RGS5: variants seen among roughly 807,000 people sequenced by gnomAD.
RGS5 encodes regulator of G-protein signalling 5.
A neutral mutation model predicts 18.9 loss-of-function variants in RGS5; 20 were observed. The ratio of observed to expected loss-of-function variants is 1.06; its 90% CI spans 0.74 to 1.54. The LOEUF is 1.54. RGS5 is among the 40% of genes most tolerant of loss of function. RGS5 has a pLI of 0.00. For synonymous variants in RGS5, 57 were observed against 76.2 expected (o/e 0.75, Z 1.31); for missense variants, 201 against 211.8 (o/e 0.95, Z 0.32).
intron 2 of RGS5, among the ~76,000 whole-genome samples, chr1:163,289,467 G>C (rs115361233): frequency 7.2e-4 from 109 of 152,154 alleles, no homozygotes; most frequent in Non-Finnish European, 1.3e-3. Flanking sequence ...TAATGAGACA[G>C]TAAGATCAAA....
At chr1:163,159,355 CA>C (rs1657712232) in intron 3 of RGS5, among the ~76,000 whole-genome samples, 2 of 152,234 alleles carry the variant, frequency 1.3e-5, no homozygotes, top group South Asian at 4.2e-4. Context: ...AATTTATGTT[CA>C]AAGATTGCAG....
At chr1:163,293,216 G>C (rs1366285694) in intron 2 of RGS5, among the ~76,000 whole-genome samples, 1 of 152,036 alleles carries the variant, frequency 6.6e-6, no homozygotes, top group Non-Finnish European at 1.5e-5. Flanking sequence ...AGGTGTATTT[G>C]TTCATTTTCA....
At chr1:163,304,985 A>T (rs975575124) in intron 2 of RGS5, 7 of 152,260 alleles carry the variant, frequency 4.6e-5, no homozygotes, top group Non-Finnish European at 4.4e-5. Flanking sequence ...ATGCTATCTT[A>T]AACTTTTCTC....
chr1:163,251,650 T>C (rs1443980751), intron 2 of RGS5, among the ~76,000 whole-genome samples: 1 of 152,158 alleles, frequency 6.6e-6, no homozygotes, highest in Non-Finnish European at 1.5e-5. Flanking sequence ...CCAACCTACA[T>C]ATTGTGCTAC....
chr1:163,150,225 T>C (rs908213795), intron 4 of RGS5, among the ~76,000 whole-genome samples: 3 of 152,278 alleles, frequency 2.0e-5, no homozygotes, highest in South Asian at 2.1e-4. Context: ...GTCTTTCAAC[T>C]AGTGACCACA....
chr1:163,320,236 G>A (rs1214351770), intron 1 of RGS5, among the ~76,000 whole-genome samples: 1 of 152,004 alleles, frequency 6.6e-6, no homozygotes, highest in African/African-American at 2.4e-5. Flanking sequence ...CCACTTGCAA[G>A]GTATTTTCCT....
chr1:163,148,190 G>A (rs1374268554), intron 4 of RGS5, among the ~76,000 whole-genome samples: 1 of 152,074 alleles, frequency 6.6e-6, no homozygotes, highest in Admixed American at 6.5e-5. Flanking sequence ...GCCTCCCAAA[G>A]TGCTGGGATT....
intron 4 of RGS5, among the ~76,000 whole-genome samples, chr1:163,150,564 G>A (rs1310760249): frequency 6.6e-6 from 1 of 152,152 alleles, no homozygotes; most frequent in Non-Finnish European, 1.5e-5. Flanking sequence ...CAGCACAAAT[G>A]GTAACAGAAG....
chr1:163,159,103 C>T (rs1053672486), intron 3 of RGS5, among the ~76,000 whole-genome samples: 3 of 152,194 alleles, frequency 2.0e-5, no homozygotes, highest in Non-Finnish European at 1.5e-5. Context: ...AAGGTTGTCT[C>T]CCTTGTTCCC....
At chr1:163,239,396 G>C (rs923113617) in intron 2 of RGS5, among the ~76,000 whole-genome samples, 4 of 151,008 alleles carry the variant, frequency 2.6e-5, no homozygotes, top group Non-Finnish European at 5.9e-5. Flanking sequence ...TGAGGCAGGA[G>C]AATTTCTAGA....
chr1:163,229,363 A>T (rs1297473220), intron 2 of RGS5, among the ~76,000 whole-genome samples: 2 of 152,296 alleles, frequency 1.3e-5, no homozygotes, highest in East Asian at 3.9e-4. Context: ...TCATGAGAAC[A>T]GCATGGGGGA....
At chr1:163,195,419 CAG>C (rs1659524408) in intron 1 of RGS5, among the ~76,000 whole-genome samples, 2 of 150,752 alleles carry the variant, frequency 1.3e-5, no homozygotes, top group Admixed American at 6.6e-5. Context: ...TGTGGGGAAT[CAG>C]GGGGCAAGGG....
At chr1:163,200,828 G>C (rs1338571489) in intron 1 of RGS5, among the ~76,000 whole-genome samples, 1 of 152,056 alleles carries the variant, frequency 6.6e-6, no homozygotes, top group African/African-American at 2.4e-5. Context: ...ATGAACATTA[G>C]TTATATCCTG....
chr1:163,168,417 G>T, intron 1 of RGS5, 49 bp from the exon 2 acceptor site: 1 of 1,301,844 alleles, frequency 7.7e-7, no homozygotes, highest in Non-Finnish European at 1.1e-6. Context: ...TGTGCATACA[G>T]ATTTTAAGAA....
At chr1:163,178,680 A>G (rs1246447966) in intron 1 of RGS5, among the ~76,000 whole-genome samples, 1 of 152,202 alleles carries the variant, frequency 6.6e-6, no homozygotes, top group Non-Finnish European at 1.5e-5. Flanking sequence ...CCAGCCATCT[A>G]TAAGCATGAA....
At chr1:163,276,466 C>T (rs1428619736) in intron 2 of RGS5, among the ~76,000 whole-genome samples, 1 of 152,156 alleles carries the variant, frequency 6.6e-6, no homozygotes, top group Non-Finnish European at 1.5e-5. Context: ...CATAACGATG[C>T]TTACGTTCGT....
rs565232202 is a variant in RGS5 at position 163,307,408 on chromosome 1, CT to C, written c.-377-1080del. Among the ~76,000 whole-genome samples, 83 of 149,326 alleles carry C rather than the reference CT, an allele frequency of 5.6e-4. 1 individual carries two copies. The highest frequency in any genetic ancestry group is 1.0e-3 in the Non-Finnish European group (70 of 67,070). Reference sequence around the variant, plus strand: ...TTTATGTGTGACATGAAAGTGAGAACTTTTTTTTTTAACAGAAAGGAAATAT... The same window carrying C: ...TTTATGTGTGACATGAAAGTGAGAACTTTTTTTTTAACAGAAAGGAAATAT... On this transcript the variant is annotated intron_variant, in intron 1 of 5. Coordinates refer to the RGS5 transcript ENST00000618415.
chr1:163,316,128 C>T (rs1262335161), intron 1 of RGS5, among the ~76,000 whole-genome samples: 1 of 152,132 alleles, frequency 6.6e-6, no homozygotes, highest in African/African-American at 2.4e-5. Flanking sequence ...AAGCATTACG[C>T]ATTTTTACTT....
chr1:163,190,990 C>CAT lies in RGS5; in HGVS notation c.44+11800_44+11801dup, dbSNP rs66976988. The stretch of plus-strand genomic sequence containing the variant: ...GGTTTGAAAGGTGATTGGATCAATA[C>CAT]ATATATATATATATCCCTGTGTGCT... On this transcript the variant is annotated intron_variant, in intron 1 of 4. Transcript: ENST00000313961. Among the ~76,000 whole-genome samples the CAT allele has an allele frequency of 7.9e-4, 119 of 151,310 alleles. 1 individual carries two copies. In the East Asian group the frequency reaches 0.018, roughly 23 times the overall value.
Sources: gnomAD v4.1 joint callset for allele counts (sites outside exome capture counted in the v4.1 genomes callset) on GRCh38, gnomAD v4.1.1 for gene constraint, MANE v1.5 for transcripts, NCBI Gene and HGNC (gene_info 2026-07-23, HGNC 2026-07-21) for gene names.